Variants in KCND2 observed in about 807,000 individuals in gnomAD.
KCND2 encodes potassium voltage-gated channel subfamily D member 2.
In KCND2, 16 loss-of-function variants were observed where a neutral mutation model predicts 54.4. That is an observed-to-expected ratio of 0.29 (90% CI 0.20 to 0.45). KCND2 has a LOEUF of 0.45. Ranked by LOEUF, KCND2 falls within the 20% of genes least tolerant of loss-of-function variation. KCND2 has a pLI of 1.00. For synonymous variants in KCND2, 317 were observed against 310.7 expected, an observed-to-expected ratio of 1.02 and a Z score of -0.21; for missense variants, 486 against 824.2, an observed-to-expected ratio of 0.59 and a Z score of 5.02.
At chr7:120,644,882 G>A (rs1056673314) in intron 1 of KCND2, among the ~76,000 whole-genome samples, 2 of 152,028 alleles carry the variant, frequency 1.3e-5, no homozygotes, top group Admixed American at 6.6e-5. Context: ...CTTCATACAC[G>A]CATGATAGAT....
At position 120,679,664 on chromosome 7, in the gene KCND2, C is replaced by T. The variant is rs1237595126; in HGVS notation, c.1116-53239C>T. Reference sequence around the variant, plus strand: ...TTAAAAAAATGGCTGCCTAACCAAGCACTGGAAGTTGAGGTTCTGTTGCTT... The same window carrying T: ...TTAAAAAAATGGCTGCCTAACCAAGTACTGGAAGTTGAGGTTCTGTTGCTT... On this transcript the variant is annotated intron_variant, in intron 1 of 5. Coordinates refer to ENST00000331113, the MANE Select transcript of KCND2 (RefSeq NM_012281.3). 2.0e-5 allele frequency among the ~76,000 whole-genome samples: 3 copies of T among 152,040 alleles called. No individual in the cohort carries two copies. The East Asian group carries it at 5.8e-4, about 29-fold the overall frequency.
chr7:120,509,339 A>G (rs755345761), intron 1 of KCND2, among the ~76,000 whole-genome samples: 2 of 152,088 alleles, frequency 1.3e-5, no homozygotes, highest in Non-Finnish European at 2.9e-5. Flanking sequence ...TAAGAATATA[A>G]GATGTTAATA....
chr7:120,434,965 GA>G (rs760723859), intron 1 of KCND2, among the ~76,000 whole-genome samples: 6 of 144,694 alleles, frequency 4.1e-5, no homozygotes, highest in African/African-American at 1.0e-4. Flanking sequence ...AAGACTTGAA[GA>G]AAAAAAAAAG....
At position 120,275,322 on chromosome 7, in the gene KCND2, C is replaced by G; in HGVS notation, c.690C>G (p.Phe230Leu). 1 of 1,613,808 alleles carries G rather than the reference C, an allele frequency of 6.2e-7. No individual in the cohort carries two copies. Among genetic ancestry groups the G allele is most frequent in the South Asian group, 1.1e-5 (1 of 91,058 alleles). ...PCGERYAVAF[F>L]CLDTACVMIF... ...GAGAGCGGTATGCTGTGGCCTTCTTCTGCTTGGACACGGCCTGCGTCATGA... is the reference window on the plus strand; with the variant it reads ...GAGAGCGGTATGCTGTGGCCTTCTTGTGCTTGGACACGGCCTGCGTCATGA... Residue 230 changes from phenylalanine (F) to leucine (L), a missense_variant, in exon 1 of 6, where the codon TTC becomes TTG. Phe to Leu is a conservative substitution (Grantham distance 22). Transcript: ENST00000331113.
intron 1 of KCND2, among the ~76,000 whole-genome samples, chr7:120,727,879 TA>T (rs1464538640): frequency 6.6e-6 from 1 of 151,966 alleles, no homozygotes; most frequent in Non-Finnish European, 1.5e-5. Context: ...CTCACGCTTG[TA>T]ATCCCAGCAC....
At chr7:120,594,955 G>A (rs1368685087) in intron 1 of KCND2, among the ~76,000 whole-genome samples, 1 of 151,606 alleles carries the variant, frequency 6.6e-6, no homozygotes, top group Non-Finnish European at 1.5e-5. Context: ...GGGAGGCGGA[G>A]GTTGCAGTGA....
intron 1 of KCND2, among the ~76,000 whole-genome samples, chr7:120,436,607 T>G (rs1317728480): frequency 6.6e-6 from 1 of 152,210 alleles, no homozygotes; most frequent in African/African-American, 2.4e-5. Flanking sequence ...TAACTGACTA[T>G]CCTCCAGGAC....
At chr7:120,537,562 C>T (rs1463671825) in intron 1 of KCND2, among the ~76,000 whole-genome samples, 1 of 152,216 alleles carries the variant, frequency 6.6e-6, no homozygotes, top group South Asian at 2.1e-4. Flanking sequence ...ATGGCATCTT[C>T]TTTTAATAGA....
chr7:120,366,773 G>T (rs1800690080), intron 1 of KCND2, among the ~76,000 whole-genome samples: 1 of 151,916 alleles, frequency 6.6e-6, no homozygotes, highest in Non-Finnish European at 1.5e-5. Context: ...TTTGTTAAAA[G>T]AACAGATTGG....
chr7:120,314,007 A>G (rs1296230023), intron 1 of KCND2, among the ~76,000 whole-genome samples: 2 of 151,874 alleles, frequency 1.3e-5, no homozygotes, highest in South Asian at 2.1e-4. Flanking sequence ...AAAGAGTTCT[A>G]TACTAGGGTT....
intron 3 of KCND2, 77 bp downstream of exon 3, chr7:120,741,706 T>A (rs1792943843): frequency 1.1e-5 from 11 of 1,008,000 alleles, no homozygotes; most frequent in Non-Finnish European, 1.7e-5. Flanking sequence ...TTCCTATAAT[T>A]TTATTATGGC....
At chr7:120,662,444 A>G (rs1285973034) in intron 1 of KCND2, among the ~76,000 whole-genome samples, 2 of 152,180 alleles carry the variant, frequency 1.3e-5, no homozygotes, top group Non-Finnish European at 2.9e-5. Flanking sequence ...CTCTCAAATG[A>G]ACAATACTTC....
chr7:120,278,526 T>C (rs146477706), intron 1 of KCND2, among the ~76,000 whole-genome samples: 2 of 151,102 alleles, frequency 1.3e-5, no homozygotes, highest in East Asian at 3.9e-4. Context: ...GTATGAACGT[T>C]ATCTACATGA....
intron 1 of KCND2, among the ~76,000 whole-genome samples, chr7:120,446,486 G>T (rs528002464): frequency 1.5e-4 from 23 of 151,556 alleles, no homozygotes; most frequent in Non-Finnish European, 2.9e-4. Flanking sequence ...TTTCAGTGTT[G>T]GAGTGTAATT....
chr7:120,584,530 G>A (rs980052270), intron 1 of KCND2, among the ~76,000 whole-genome samples: 1 of 152,228 alleles, frequency 6.6e-6, no homozygotes, highest in Non-Finnish European at 1.5e-5. Context: ...GAACAGGTTA[G>A]CATTTGAAAC....
At chr7:120,556,308 T>G (rs1023010065) in intron 1 of KCND2, among the ~76,000 whole-genome samples, 2 of 152,150 alleles carry the variant, frequency 1.3e-5, no homozygotes, top group Non-Finnish European at 2.9e-5. Context: ...TTGTATTAAG[T>G]GTTGGCCTGA....
chr7:120,610,804 G>A (rs1584853225), intron 1 of KCND2, among the ~76,000 whole-genome samples: 1 of 152,272 alleles, frequency 6.6e-6, no homozygotes, highest in East Asian at 1.9e-4. Context: ...CACTGATGGA[G>A]AACATTAACA....
intron 1 of KCND2, among the ~76,000 whole-genome samples, chr7:120,337,906 G>GA (rs935812715): frequency 6.6e-6 from 1 of 152,066 alleles, no homozygotes; most frequent in Admixed American, 6.6e-5. Flanking sequence ...GAGCTGCCCA[G>GA]AAAAAAGTCT....
intron 1 of KCND2, among the ~76,000 whole-genome samples, chr7:120,537,201 TTC>T (rs1791922859): frequency 6.6e-6 from 1 of 152,038 alleles, no homozygotes; most frequent in African/African-American, 2.4e-5. Flanking sequence ...TCTTGTACAT[TTC>T]TCTCAGAGCT....
Sources: gnomAD v4.1 joint callset for allele counts (sites outside exome capture counted in the v4.1 genomes callset) on GRCh38, gnomAD v4.1.1 for gene constraint, MANE v1.5 for transcripts, NCBI Gene and HGNC (gene_info 2026-07-23, HGNC 2026-07-21) for gene names.